Variants in HNF4A observed in about 807,000 individuals in gnomAD.
The protein encoded by HNF4A is hepatocyte nuclear factor 4 alpha.
HNF4A carries 15 observed loss-of-function variants against 52.4 expected under a neutral mutation model. That is an observed-to-expected ratio of 0.29 (90% CI 0.19 to 0.44). The LOEUF (loss-of-function observed/expected upper bound fraction) is 0.44, where lower values mean the gene tolerates loss of function less well. HNF4A is among the 20% of genes least tolerant of loss of function. The pLI is 1.00. For synonymous variants in HNF4A, 280 were observed against 264.4 expected (o/e 1.06, Z -0.57); for missense variants, 479 against 647.2 (o/e 0.74, Z 2.82).
chr20:44,373,398 T>G (rs2063053375), intron 1 of HNF4A, among the ~76,000 whole-genome samples: 1 of 152,156 alleles, frequency 6.6e-6, no homozygotes, highest in Non-Finnish European at 1.5e-5. Flanking sequence ...GGTCTCAAAC[T>G]CCTAGCCTGA....
rs145946989 is a variant in HNF4A, at chr20:44,363,839, C to T, written c.49+7986C>T. On this transcript the variant is annotated intron_variant, in intron 1 of 9. Coordinates refer to the HNF4A transcript ENST00000316673. Reference sequence around the variant, plus strand: ...AGCCTCCCAAGTAGCTGGGATTGCACGTGTGTGCCACCACACCTGACAAAT... The same window carrying T: ...AGCCTCCCAAGTAGCTGGGATTGCATGTGTGTGCCACCACACCTGACAAAT... Among the ~76,000 whole-genome samples, 410 of 151,182 alleles carry T rather than the reference C, an allele frequency of 2.7e-3. 1 individual carries two copies. The highest frequency in any genetic ancestry group is 8.8e-3 in the African/African-American group (364 of 41,158).
At chr20:44,419,174 T>C (rs965718329) in intron 6 of HNF4A, among the ~76,000 whole-genome samples, 2 of 152,162 alleles carry the variant, frequency 1.3e-5, no homozygotes, top group Non-Finnish European at 2.9e-5. Flanking sequence ...CATGGCATAG[T>C]TATTATTTTA....
Position 44,424,086 on chromosome 20 carries a change from G to A in HNF4A, c.961G>A (p.Asp321Asn). The A allele has an allele frequency of 6.2e-7, 1 of 1,613,362 alleles. No individual in the cohort carries two copies. Among genetic ancestry groups the A allele is most frequent in the Non-Finnish European group, 8.5e-7 (1 of 1,179,986 alleles). The change falls in exon 8 of 10, where the codon GAC becomes AAC. Residue 321 changes from aspartate (D) to asparagine (N), a missense_variant. By Grantham distance (23) the Asp-to-Asn change is conservative (BLOSUM62 1). Coordinates refer to ENST00000316099, the MANE Select transcript of HNF4A (RefSeq NM_000457.6). ...TTCCCAGGTGCAGGTGAGCTTGGAG[G>A]ACTACATCAACGACCGCCAGTATGA...
chr20:44,428,368 C>G lies in HNF4A; in HGVS notation c.1163C>G (p.Pro388Arg), dbSNP rs193922469. Residue 388 changes from proline (P) to arginine (R), a missense_variant, in exon 9 of 10, where the codon CCC (proline) becomes CGC (arginine). Pro to Arg is a moderately radical substitution (Grantham distance 103). This residue lies in a region of HNF4A where 389 missense variants were observed against 525.1 expected (regional missense o/e 0.74). Transcript: ENST00000316099. ...AGCGATGCACCCCATGCCCACCACC[C>G]CCTGCACCCTCACCTGATGCAGGAA... 4 of 1,613,966 alleles carry G rather than the reference C, an allele frequency of 2.5e-6. No individual in the cohort carries two copies. Among genetic ancestry groups the G allele is most frequent in the Non-Finnish European group, 3.4e-6 (4 of 1,179,960 alleles).
chr20:44,414,680 T>C lies in HNF4A; in HGVS notation c.648+18T>C. 5 of 1,588,520 alleles carry C rather than the reference T, an allele frequency of 3.1e-6. No individual in the cohort carries two copies. Among genetic ancestry groups the C allele is most frequent in the Non-Finnish European group, 8.6e-7 (1 of 1,166,798 alleles). On this transcript the variant is annotated intron_variant, in intron 5 of 9. Coordinates refer to ENST00000316099, the MANE Select transcript of HNF4A (RefSeq NM_000457.6). ...ACGACCAGGTGAGGATGGGCGTGGA[T>C]GGTGGGCAGTAGTGGGCAGTGGGCG...
At chr20:44,428,605 G>C (rs898324666) in intron 9 of HNF4A, 118 bp downstream of exon 9, 10 of 1,012,140 alleles carry the variant, frequency 9.9e-6, no homozygotes, top group Non-Finnish European at 1.5e-5. Flanking sequence ...TGGGTTCCAG[G>C]GTAGGGAATA....
chr20:44,408,714 G>A (rs2063538399), intron 3 of HNF4A, among the ~76,000 whole-genome samples: 1 of 152,052 alleles, frequency 6.6e-6, no homozygotes, highest in South Asian at 2.1e-4. Context: ...GCAAGACAGC[G>A]AGACTCTCTC....
chr20:44,376,714 G>A (rs2063089539), intron 1 of HNF4A, among the ~76,000 whole-genome samples: 1 of 152,114 alleles, frequency 6.6e-6, no homozygotes, highest in Non-Finnish European at 1.5e-5. Context: ...ATCTGGTAAT[G>A]TGTCATTACC....
At chr20:44,398,004 C>T (rs1402312452), upstream of HNF4A, among the ~76,000 whole-genome samples, 8 of 152,184 alleles carry the variant, frequency 5.3e-5, no homozygotes, top group Non-Finnish European at 8.8e-5. Context: ...GTTCTTTCTC[C>T]TTATCTAACA....
At chr20:44,394,860 G>T (rs1405553774) in intron 1 of HNF4A, among the ~76,000 whole-genome samples, 1 of 152,214 alleles carries the variant, frequency 6.6e-6, no homozygotes, top group Non-Finnish European at 1.5e-5. Flanking sequence ...AAATCAACAG[G>T]CTCAGCAATG....
chr20:44,426,525 C>G (rs566928154), intron 8 of HNF4A, among the ~76,000 whole-genome samples: 1 of 151,896 alleles, frequency 6.6e-6, no homozygotes, highest in Non-Finnish European at 1.5e-5. Context: ...AGATAGAGGC[C>G]GGGCACGGTG....
At chr20:44,433,549 T>G (rs181391926), downstream of HNF4A, 2 of 152,304 alleles carry the variant, frequency 1.3e-5, no homozygotes, top group Admixed American at 1.3e-4. Context: ...GGTATAGTGG[T>G]GTGTGCCTAT....
chr20:44,386,748 T>C (rs1317236087), intron 1 of HNF4A, among the ~76,000 whole-genome samples: 2 of 152,224 alleles, frequency 1.3e-5, no homozygotes, highest in East Asian at 1.9e-4. Context: ...CAAAGAATTC[T>C]CTAGCCCAAA....
At chr20:44,410,324 G>A (rs1015498849) in intron 3 of HNF4A, among the ~76,000 whole-genome samples, 1 of 152,214 alleles carries the variant, frequency 6.6e-6, no homozygotes, top group Admixed American at 6.5e-5. Context: ...TGGGTTAGTC[G>A]ATGCTAGTGT....
At position 44,385,401 on chromosome 20, in the gene HNF4A, C is replaced by T. The variant is rs76942792; in HGVS notation, c.50-20657C>T. Reference sequence around the variant, plus strand: ...CTTTGGGAGGCTGATTTGCTTGAGGCTGGGGTTCAAGACAAGCCTGGACAA... The same window carrying T: ...CTTTGGGAGGCTGATTTGCTTGAGGTTGGGGTTCAAGACAAGCCTGGACAA... On this transcript the variant is annotated intron_variant, in intron 1 of 9. Coordinates refer to the HNF4A transcript ENST00000316673. Among the ~76,000 whole-genome samples the T allele has an allele frequency of 1.9e-3, 289 of 152,074 alleles. 1 individual carries two copies. The highest frequency in any genetic ancestry group is 2.9e-3 in the Non-Finnish European group (197 of 67,986).
intron 1 of HNF4A, among the ~76,000 whole-genome samples, chr20:44,404,109 G>A (rs2063448682): frequency 6.6e-6 from 1 of 152,186 alleles, no homozygotes; most frequent in South Asian, 2.1e-4. Context: ...CTTGTGCAAG[G>A]AGCCTGGAAG....
chr20:44,399,709 G>T (rs1397564188), upstream of HNF4A, among the ~76,000 whole-genome samples: 1 of 152,014 alleles, frequency 6.6e-6, no homozygotes, highest in Non-Finnish European at 1.5e-5. Flanking sequence ...CACTTACTCA[G>T]TAATTTACCC....
intron 1 of HNF4A, among the ~76,000 whole-genome samples, chr20:44,359,201 T>C (rs17755638): frequency 0.16 from 24,611 of 152,216 alleles, 2,395 homozygotes; most frequent in Middle Eastern, 0.26. Context: ...AGCGCTACAA[T>C]GATGATCATC....
At chr20:44,366,071 A>G (rs2062967203) in intron 1 of HNF4A, among the ~76,000 whole-genome samples, 1 of 152,186 alleles carries the variant, frequency 6.6e-6, no homozygotes. Flanking sequence ...TTACTGAAGT[A>G]TAACATTCAA....
Sources: allele counts gnomAD v4.1 joint callset (sites outside exome capture counted in the v4.1 genomes callset), GRCh38; gene constraint gnomAD v4.1.1; regional missense constraint gnomAD v4.1.1; transcripts MANE v1.5; gene names NCBI Gene and HGNC (gene_info 2026-07-23, HGNC 2026-07-21).